The following CDYL2 variants were observed in gnomAD, a reference collection of about 807,000 sequenced individuals.
CDYL2 encodes chromodomain Y-like protein 2.
In CDYL2, 23 loss-of-function variants were observed where a neutral mutation model predicts 49.4. That is an observed-to-expected ratio of 0.47 (90% CI 0.34 to 0.66). The LOEUF (loss-of-function observed/expected upper bound fraction) is 0.66. Ranked by LOEUF, CDYL2 falls within the 30% of genes least tolerant of loss-of-function variation. The pLI is 0.01. For synonymous variants in CDYL2, 360 were observed against 268.8 expected (o/e 1.34, Z -3.32); for missense variants, 678 against 656.4 (o/e 1.03, Z -0.36).
chr16:80,661,197 G>C (rs895375301), intron 2 of CDYL2, among the ~76,000 whole-genome samples: 1 of 152,102 alleles, frequency 6.6e-6, no homozygotes, highest in Non-Finnish European at 1.5e-5. Flanking sequence ...GAAAAGTTTA[G>C]ACAGATCGCT....
At chr16:80,660,085 C>A (rs147832536) in intron 2 of CDYL2, among the ~76,000 whole-genome samples, 6 of 151,970 alleles carry the variant, frequency 3.9e-5, no homozygotes, top group Middle Eastern at 3.4e-3. Context: ...CAATTTTATA[C>A]CCAGCTAAAG....
intron 1 of CDYL2, among the ~76,000 whole-genome samples, chr16:80,759,091 C>T (rs911699790): frequency 4.0e-4 from 32 of 80,204 alleles, no homozygotes; most frequent in Non-Finnish European, 5.3e-4. Flanking sequence ...GTAATATCTA[C>T]AAACCATATA....
intron 1 of CDYL2, among the ~76,000 whole-genome samples, chr16:80,685,764 T>G (rs550915689): frequency 6.6e-6 from 1 of 152,336 alleles, no homozygotes; most frequent in African/African-American, 2.4e-5. Context: ...AGAGACCAAG[T>G]AACTTAACCA....
intron 2 of CDYL2, among the ~76,000 whole-genome samples, chr16:80,637,939 T>C (rs1211316747): frequency 6.6e-6 from 1 of 152,148 alleles, no homozygotes; most frequent in Non-Finnish European, 1.5e-5. Flanking sequence ...TATGACAGCA[T>C]CCAAAACAGG....
At chr16:80,765,810 G>T (rs111688699) in intron 1 of CDYL2, among the ~76,000 whole-genome samples, 6 of 145,198 alleles carry the variant, frequency 4.1e-5, no homozygotes, top group African/African-American at 1.5e-4. Context: ...GGAGGCTGAG[G>T]TGGGAGGATC....
At chr16:80,703,297 T>G (rs1188946213) in intron 1 of CDYL2, among the ~76,000 whole-genome samples, 2 of 152,254 alleles carry the variant, frequency 1.3e-5, no homozygotes, top group African/African-American at 4.8e-5. Context: ...AAAGGTTGAT[T>G]TACCTCCACA....
intron 2 of CDYL2, among the ~76,000 whole-genome samples, chr16:80,649,340 C>G (rs1008940426): frequency 1.3e-5 from 2 of 152,006 alleles, no homozygotes; most frequent in Admixed American, 6.6e-5. Flanking sequence ...TATATGCCAA[C>G]AGTAAACAAT....
At chr16:80,641,973 A>G (rs1908113962) in intron 2 of CDYL2, among the ~76,000 whole-genome samples, 1 of 152,196 alleles carries the variant, frequency 6.6e-6, no homozygotes, top group African/African-American at 2.4e-5. Flanking sequence ...GTTCACAGAA[A>G]AAAACGGAAT....
At chr16:80,721,615 C>T (rs117073837) in intron 1 of CDYL2, among the ~76,000 whole-genome samples, 2,827 of 152,304 alleles carry the variant, frequency 0.019, 38 homozygotes, top group East Asian at 0.068. Context: ...ATATCTAGCA[C>T]GTGATCCACC....
intron 1 of CDYL2, among the ~76,000 whole-genome samples, chr16:80,748,024 G>A (rs1196480430): frequency 6.6e-6 from 1 of 151,656 alleles, no homozygotes; most frequent in Non-Finnish European, 1.5e-5. Flanking sequence ...TGAACTCTGT[G>A]ACTCCAGCCT....
intron 2 of CDYL2, among the ~76,000 whole-genome samples, chr16:80,635,873 C>G (rs13336514): frequency 0.059 from 9,003 of 152,074 alleles, 816 homozygotes; most frequent in African/African-American, 0.2. Context: ...GACATATAGA[C>G]CAATGGAACA....
rs377085588 is a variant in CDYL2, at chr16:80,694,923, A to G, written c.25-9794T>C. Among the ~76,000 whole-genome samples, 14 of 152,370 alleles carry G rather than the reference A, an allele frequency of 9.2e-5. No homozygotes were observed. The East Asian group carries it at 9.6e-4, about 10-fold the overall frequency. On this transcript the variant is annotated intron_variant, in intron 1 of 6. Transcript: ENST00000570137. ...ATATATCAAAAGGGCCAAATGAAAG[A>G]GCTCCCGATGGCCAAAACTGGAACA...
chr16:80,638,351 A>C (rs956830395), intron 2 of CDYL2, among the ~76,000 whole-genome samples: 1 of 152,222 alleles, frequency 6.6e-6, no homozygotes, highest in Non-Finnish European at 1.5e-5. Flanking sequence ...CTGGGATTAT[A>C]GGCGTGTGCC....
At chr16:80,684,392 C>A in intron 2 of CDYL2, 146 bp downstream of exon 2, 1 of 753,086 alleles carries the variant, frequency 1.3e-6, no homozygotes, top group Non-Finnish European at 2.1e-6. Flanking sequence ...CCACAAAGCT[C>A]TAGGTGAGAG....
chr16:80,670,330 T>G (rs940563822), intron 2 of CDYL2, among the ~76,000 whole-genome samples: 4 of 152,108 alleles, frequency 2.6e-5, no homozygotes, highest in African/African-American at 9.7e-5. Flanking sequence ...GATACTGAAG[T>G]GAGTTCTCAT....
At chr16:80,798,415 T>TTCC (rs930051887) in intron 1 of CDYL2, among the ~76,000 whole-genome samples, 17 of 151,848 alleles carry the variant, frequency 1.1e-4, no homozygotes, top group African/African-American at 1.7e-4. Context: ...ACCCCTCCCC[T>TTCC]TCCTCCTCCT....
At chr16:80,655,549 A>G (rs1165135166) in intron 2 of CDYL2, among the ~76,000 whole-genome samples, 1 of 152,200 alleles carries the variant, frequency 6.6e-6, no homozygotes, top group East Asian at 1.9e-4. Context: ...TCTTTCCATT[A>G]GCGCAACAGG....
At chr16:80,715,507 G>C (rs555381586) in intron 1 of CDYL2, among the ~76,000 whole-genome samples, 1 of 152,256 alleles carries the variant, frequency 6.6e-6, no homozygotes, top group African/African-American at 2.4e-5. Context: ...TGGTTCTCCA[G>C]TGGCACTGCC....
intron 1 of CDYL2, among the ~76,000 whole-genome samples, chr16:80,746,219 G>A (rs1329189773): frequency 6.6e-6 from 1 of 152,148 alleles, no homozygotes; most frequent in Non-Finnish European, 1.5e-5. Flanking sequence ...CAAATGATGG[G>A]GGACTAAAAT....
Sources: allele counts gnomAD v4.1 joint callset (sites outside exome capture counted in the v4.1 genomes callset), GRCh38; gene constraint gnomAD v4.1.1; transcripts MANE v1.5; gene names NCBI Gene and HGNC (gene_info 2026-07-23, HGNC 2026-07-21).